Variants in SMOC2 observed in about 807,000 individuals in gnomAD.
SMOC2 encodes the protein SPARC related modular calcium binding 2, also known as SPARC-related modular calcium-binding protein 2.
In SMOC2, 39 loss-of-function variants were observed where a neutral mutation model predicts 61.4. That is an observed-to-expected ratio of 0.64 (90% CI 0.49 to 0.83). SMOC2 has a LOEUF of 0.83. SMOC2 is among the 40% of genes least tolerant of loss of function. The pLI is 0.00. For synonymous variants in SMOC2, 247 were observed against 239.9 expected (o/e 1.03, Z -0.27); for missense variants, 556 against 592.9 (o/e 0.94, Z 0.65).
intron 8 of SMOC2, among the ~76,000 whole-genome samples, chr6:168,599,814 CACACA>C: frequency 6.9e-5 from 3 of 43,708 alleles, no homozygotes; most frequent in Non-Finnish European, 1.7e-4. Context: ...ATTCACCCCA[CACACA>C]CACACACACG....
chr6:168,441,969 C>T (rs536467454), intron 1 of SMOC2, among the ~76,000 whole-genome samples: 98 of 152,344 alleles, frequency 6.4e-4, no homozygotes, highest in African/African-American at 2.3e-3. Context: ...CGTGTTCTCC[C>T]GACCGCTTTG....
chr6:168,507,837 C>A (rs1028147406), intron 1 of SMOC2, among the ~76,000 whole-genome samples: 3 of 152,252 alleles, frequency 2.0e-5, no homozygotes. Context: ...TTAGAGCACG[C>A]TGTTTGAAAT....
intron 7 of SMOC2, among the ~76,000 whole-genome samples, chr6:168,595,453 AC>A (rs1195562600): frequency 6.6e-6 from 1 of 151,802 alleles, no homozygotes; most frequent in Non-Finnish European, 1.5e-5. Context: ...AGAGAGAACC[AC>A]CCCCGTCAGC....
chr6:168,454,993 T>C (rs1781551911), intron 1 of SMOC2, among the ~76,000 whole-genome samples: 2 of 151,996 alleles, frequency 1.3e-5, no homozygotes, highest in Admixed American at 6.5e-5. Flanking sequence ...CCAGAGGGTC[T>C]TGGTGGCCGG....
chr6:168,462,167 T>C (rs1365421815), intron 1 of SMOC2, among the ~76,000 whole-genome samples: 6 of 152,158 alleles, frequency 3.9e-5, no homozygotes, highest in African/African-American at 1.2e-4. Flanking sequence ...GCACACTTTT[T>C]CATTACTGAG....
chr6:168,508,486 C>T (rs528148707), intron 1 of SMOC2, among the ~76,000 whole-genome samples: 15 of 152,340 alleles, frequency 9.8e-5, no homozygotes, highest in South Asian at 2.1e-4. Flanking sequence ...CCTGGTGATC[C>T]GCAGCCACAG....
At chr6:168,623,327 TAA>T (rs67537851) in intron 9 of SMOC2, among the ~76,000 whole-genome samples, 31,465 of 131,676 alleles carry the variant, frequency 0.24, 3,769 homozygotes, top group Non-Finnish European at 0.27. Context: ...CATGGATAAT[TAA>T]TTTTTTTTTT....
intron 1 of SMOC2, among the ~76,000 whole-genome samples, chr6:168,461,626 T>G (rs910728821): frequency 3.3e-5 from 5 of 152,230 alleles, no homozygotes; most frequent in African/African-American, 1.2e-4. Flanking sequence ...TACTGCACTT[T>G]AAAGCATTTC....
At chr6:168,558,845 ATG>A (rs1391479901) in intron 7 of SMOC2, among the ~76,000 whole-genome samples, 9 of 143,648 alleles carry the variant, frequency 6.3e-5, no homozygotes, top group South Asian at 4.6e-4. Flanking sequence ...GCACGTGTGT[ATG>A]TGCGCGTGTG....
intron 9 of SMOC2, among the ~76,000 whole-genome samples, chr6:168,635,418 G>T (rs1786688613): frequency 6.6e-6 from 1 of 152,150 alleles, no homozygotes; most frequent in Non-Finnish European, 1.5e-5. Flanking sequence ...GGGTCCCGTG[G>T]CCCCGCGTGG....
chr6:168,667,247 G>C lies in SMOC2; in HGVS notation c.*809G>C, dbSNP rs1268736259. On this transcript the variant is annotated 3_prime_UTR_variant, in exon 13 of 13. Coordinates refer to ENST00000356284, the MANE Select transcript of SMOC2 (RefSeq NM_001166412.2). The stretch of plus-strand genomic sequence containing the variant: ...ATCCAGTCGCGGTGTGACCGAGCTG[G>C]CTAACAGGCTTGTCTGCCTGGTTTT... 1 of 152,178 alleles carries C rather than the reference G, an allele frequency of 6.6e-6. No individual in the cohort carries two copies. Among genetic ancestry groups the C allele is most frequent in the Non-Finnish European group, 1.5e-5 (1 of 68,062 alleles). 9.4% of individuals were successfully genotyped at this position (152,178 alleles called of 1,614,324 possible).
intron 9 of SMOC2, among the ~76,000 whole-genome samples, chr6:168,608,934 G>T (rs1583156619): frequency 6.6e-6 from 1 of 152,292 alleles, no homozygotes; most frequent in Middle Eastern, 3.4e-3. Context: ...GTACGTGCTT[G>T]ATCTTGTCTC....
At chr6:168,519,164 C>T (rs973656103) in intron 2 of SMOC2, among the ~76,000 whole-genome samples, 14 of 147,442 alleles carry the variant, frequency 9.5e-5, no homozygotes, top group Admixed American at 2.7e-4. Context: ...TGTGTGTATG[C>T]GTGCATGTGT....
At chr6:168,441,528 G>T (rs554918163) in intron 1 of SMOC2, 74 bp downstream of exon 1, 14 of 1,415,382 alleles carry the variant, frequency 9.9e-6, no homozygotes, top group African/African-American at 3.0e-5. Flanking sequence ...GGGTCCCCGC[G>T]CCCCGCTCCA....
rs1269395141 is a variant in SMOC2 at position 168,453,532 on chromosome 6, C to G, written c.84+12078C>G. On this transcript the variant is annotated intron_variant, in intron 1 of 12. Transcript: ENST00000356284. This position sits in a 1 kb window ranked among gnomAD's most constrained non-coding sequence, Gnocchi z 4.4. ...TTTGTCTCTCTGTCTCTCTCTGTCT[C>G]TTTGTCTCTCTCTGTACCTGTCTCT... 2.6e-5 allele frequency among the ~76,000 whole-genome samples: 4 copies of G among 151,872 alleles called. No homozygotes were observed. Among genetic ancestry groups the G allele is most frequent in the African/African-American group, 9.7e-5 (4 of 41,336 alleles).
intron 1 of SMOC2, among the ~76,000 whole-genome samples, chr6:168,459,522 G>A (rs1781667043): frequency 6.6e-6 from 1 of 151,790 alleles, no homozygotes; most frequent in African/African-American, 2.4e-5. Flanking sequence ...GCAGAACTTG[G>A]GTCTGTAGCT....
At chr6:168,485,388 A>G (rs1398190428) in intron 1 of SMOC2, among the ~76,000 whole-genome samples, 2 of 152,238 alleles carry the variant, frequency 1.3e-5, no homozygotes, top group Non-Finnish European at 2.9e-5. Flanking sequence ...TCACAGCAAC[A>G]TTATTCATAA....
chr6:168,461,770 TA>T (rs1781722986), intron 1 of SMOC2, among the ~76,000 whole-genome samples: 1 of 152,232 alleles, frequency 6.6e-6, no homozygotes. Flanking sequence ...GCAGCCGTGC[TA>T]GAAACACCAC....
intron 7 of SMOC2, among the ~76,000 whole-genome samples, chr6:168,591,167 T>C (rs1299286472): frequency 6.6e-6 from 1 of 152,382 alleles, no homozygotes; most frequent in African/African-American, 2.4e-5. Context: ...GCTAGCCTAA[T>C]ATTTAATGAG....
Sources: gnomAD v4.1 joint callset for allele counts (sites outside exome capture counted in the v4.1 genomes callset) on GRCh38, gnomAD v4.1.1 for gene constraint, Gnocchi (gnomAD v3.1) non-coding constraint, MANE v1.5 for transcripts, NCBI Gene and HGNC (gene_info 2026-07-23, HGNC 2026-07-21) for gene names.